The following ZNF595 variants were observed in gnomAD, a reference collection of about 807,000 sequenced individuals.
The protein encoded by ZNF595 is zinc finger protein 595.
ZNF595 carries 9 observed loss-of-function variants against 19.4 expected under a neutral mutation model. That is an observed-to-expected ratio of 0.46 (90% confidence interval 0.28 to 0.81). The LOEUF (loss-of-function observed/expected upper bound fraction) is 0.81, where lower values mean the gene tolerates loss of function less well. Among genes scored for constraint, ZNF595 ranks in the 30% least tolerant of loss-of-function variants. ZNF595 has a pLI of 0.11. For synonymous variants in ZNF595, 255 were observed against 255.9 expected (o/e 1.00, Z 0.03); for missense variants, 729 against 736.0 (o/e 0.99, Z 0.11).
rs1356500205 is a variant in ZNF595, at chr4:86,924, C to A, written c.1420C>A (p.His474Asn). Residue 474 changes from histidine (H) to asparagine (N), a missense_variant, in exon 4 of 4, where the codon CAT becomes AAT. His to Asn is a moderately conservative substitution (Grantham distance 68). Around this residue, in one of 2 missense-constraint regions of ZNF595, gnomAD observed 729 missense variants for 675.3 expected, o/e 1.08. Transcript: ENST00000610261. Reference protein sequence around the residue: ...STTLNEHKKIHTGEKPYKCEE... With the variant: ...STTLNEHKKINTGEKPYKCEE... The stretch of plus-strand genomic sequence containing the variant: ...AACACTGAACGAACATAAGAAAATT[C>A]ATACTGGCGAGAAACCCTACAAATG... 1.2e-6 allele frequency: 2 copies of A among 1,610,700 alleles called. No homozygotes were observed. The highest frequency in any genetic ancestry group is 2.2e-5 in the East Asian group (1 of 44,760).
intron 3 of ZNF595, among the ~76,000 whole-genome samples, chr4:82,897 T>G (rs1398356165): frequency 1.3e-5 from 2 of 152,220 alleles, no homozygotes; most frequent in Non-Finnish European, 1.5e-5. Flanking sequence ...TGTTTTATAC[T>G]GCTTTGAAGT....
intron 3 of ZNF595, among the ~76,000 whole-genome samples, chr4:70,300 A>G (rs1713374767): frequency 1.3e-5 from 2 of 151,682 alleles, no homozygotes; most frequent in African/African-American, 2.4e-5. Flanking sequence ...TCTTCTGAAT[A>G]TGAATATTGA....
intron 1 of ZNF595, among the ~76,000 whole-genome samples, chr4:54,930 G>A (rs1581309522): frequency 6.6e-6 from 1 of 152,410 alleles, no homozygotes; most frequent in East Asian, 1.9e-4. Context: ...TGCCCAGGCT[G>A]GAGTGCAGTG....
At chr4:70,360 CAG>C (rs1581372879) in intron 3 of ZNF595, among the ~76,000 whole-genome samples, 2 of 149,190 alleles carry the variant, frequency 1.3e-5, no homozygotes, top group East Asian at 4.0e-4. Context: ...TTTTTGAAGA[CAG>C]AGACTTGCTC....
chr4:83,153 C>T (rs1157820700), intron 3 of ZNF595, among the ~76,000 whole-genome samples: 1 of 152,088 alleles, frequency 6.6e-6, no homozygotes, highest in African/African-American at 2.4e-5. Flanking sequence ...TTCTTTGTCT[C>T]TTATGAGCTT....
chr4:70,713 C>G (rs1200160747), intron 3 of ZNF595, among the ~76,000 whole-genome samples: 1 of 152,210 alleles, frequency 6.6e-6, no homozygotes, highest in Non-Finnish European at 1.5e-5. Flanking sequence ...GTTCTCTCTA[C>G]TGTTTTACTG....
chr4:74,776 A>G (rs1713576849), intron 3 of ZNF595, among the ~76,000 whole-genome samples: 1 of 152,144 alleles, frequency 6.6e-6, no homozygotes, highest in Non-Finnish European at 1.5e-5. Context: ...AGCCTCTCCA[A>G]AGGAGGCAAT....
intron 3 of ZNF595, among the ~76,000 whole-genome samples, chr4:73,063 G>A (rs535557167): frequency 6.6e-6 from 1 of 152,104 alleles, no homozygotes; most frequent in Non-Finnish European, 1.5e-5. Context: ...CCTCTGAGAG[G>A]GTGTAATTGT....
At position 86,676 on chromosome 4, in the gene ZNF595, C is replaced by T; in HGVS notation, c.1172C>T (p.Thr391Ile). The T allele has an allele frequency of 6.2e-6, 10 of 1,613,682 alleles. No homozygotes were observed. The highest frequency in any genetic ancestry group is 7.6e-6 in the Non-Finnish European group (9 of 1,179,852). Residue 391 changes from threonine to isoleucine, a missense_variant, in exon 4 of 4, where the codon ACT becomes ATT. Physicochemically the swap from Thr to Ile is moderately conservative, Grantham distance 89 (BLOSUM62 -1). This residue lies in a region of ZNF595 where 729 missense variants were observed against 675.3 expected (regional missense o/e 1.08). Transcript: ENST00000610261. ...SSLNKHKRIH[T>I]GEKPYTCEEC... Reference sequence around the variant, plus strand: ...CTTAATAAACATAAGAGAATTCATACTGGAGAGAAACCCTACACATGTGAA... The same window carrying T: ...CTTAATAAACATAAGAGAATTCATATTGGAGAGAAACCCTACACATGTGAA...
chr4:80,416 TATC>T (rs1713856572), intron 3 of ZNF595, among the ~76,000 whole-genome samples: 1 of 152,376 alleles, frequency 6.6e-6, no homozygotes, highest in African/African-American at 2.4e-5. Flanking sequence ...CAATGGCTGA[TATC>T]ATACTGGACA....
Position 87,644 on chromosome 4 carries a change from A to G in ZNF595, c.*193A>G. 4.5e-6 allele frequency: 2 copies of G among 447,956 alleles called. No individual in the cohort carries two copies. The highest frequency in any genetic ancestry group is 6.9e-5 in the East Asian group (2 of 29,026). 27.7% of individuals were successfully genotyped at this position (447,956 alleles called of 1,614,324 possible). A position where few individuals can be genotyped will look rare whatever the true frequency, so the allele number is the denominator to read the frequency against. ...CAGGCATATGACATGTAATTATCACATCAGAGTAAATGAGTTATTCTTCAC... is the reference window on the plus strand; with the variant it reads ...CAGGCATATGACATGTAATTATCACGTCAGAGTAAATGAGTTATTCTTCAC... On this transcript the variant is annotated 3_prime_UTR_variant, in exon 4 of 4. Transcript: ENST00000610261.
intron 3 of ZNF595, 68 bp from the exon 4 acceptor site, chr4:85,663 T>C (rs1286336984): frequency 4.1e-6 from 6 of 1,471,906 alleles, no homozygotes; most frequent in African/African-American, 1.4e-5. Context: ...ATTTTCGATA[T>C]TACATTCGTA....
chr4:66,991 A>G (rs1290486279), intron 3 of ZNF595, among the ~76,000 whole-genome samples: 371 of 137,306 alleles, frequency 2.7e-3, no homozygotes, highest in African/African-American at 0.011. Context: ...TATTTTCATT[A>G]GGCTTACGTT....
intron 1 of ZNF595, among the ~76,000 whole-genome samples, chr4:55,335 C>T (rs1581310397): frequency 2.0e-5 from 3 of 151,968 alleles, no homozygotes; most frequent in Admixed American, 6.6e-5. Flanking sequence ...GGCCTTTTGG[C>T]CTGGCTGTTG....
At chr4:82,234 A>C (rs1553800065) in intron 3 of ZNF595, among the ~76,000 whole-genome samples, 2 of 152,132 alleles carry the variant, frequency 1.3e-5, no homozygotes, top group Admixed American at 6.5e-5. Flanking sequence ...AAATTTAATT[A>C]AAAATGTGAC....
intron 3 of ZNF595, among the ~76,000 whole-genome samples, chr4:66,367 T>G (rs1713108564): frequency 6.6e-6 from 1 of 151,412 alleles, no homozygotes. Flanking sequence ...GATGTTATCT[T>G]CTGTCAAATA....
At position 85,823 on chromosome 4, in the gene ZNF595, G is replaced by A. The variant is rs1553801007; in HGVS notation, c.319G>A (p.Gly107Arg). The A allele has an allele frequency of 1.2e-6, 2 of 1,613,926 alleles. No individual in the cohort carries two copies. Among genetic ancestry groups the A allele is most frequent in the South Asian group, 2.2e-5 (2 of 91,066 alleles). Residue 107 changes from glycine to arginine, a missense_variant, in exon 4 of 4, where the codon GGA becomes AGA. This residue lies in a region of ZNF595 where 729 missense variants were observed against 675.3 expected (regional missense o/e 1.08). Transcript: ENST00000610261. ...TATACTGAAAAGATACGAGAAATGTGGACATGAGAATTTACAATTAAGAAA... is the reference window on the plus strand; with the variant it reads ...TATACTGAAAAGATACGAGAAATGTAGACATGAGAATTTACAATTAAGAAA... ...KLILKRYEKC[G>R]HENLQLRKGC...
At chr4:82,115 T>C (rs1487951727) in intron 3 of ZNF595, among the ~76,000 whole-genome samples, 2 of 152,160 alleles carry the variant, frequency 1.3e-5, no homozygotes, top group African/African-American at 4.8e-5. Context: ...TGTTTTGATA[T>C]CATGAGCTGT....
rs1581395359 is a variant in ZNF595, at chr4:87,380, G to A, written c.1876G>A (p.Gly626Ser). 6.2e-7 allele frequency: 1 copy of A among 1,613,330 alleles called. No homozygotes were observed. The highest frequency in any genetic ancestry group is 8.5e-7 in the Non-Finnish European group (1 of 1,179,686). Residue 626 changes from glycine to serine, a missense_variant, in exon 4 of 4, where the codon GGC (glycine) becomes AGC (serine). This residue lies in a region of ZNF595 where 729 missense variants were observed against 675.3 expected (regional missense o/e 1.08). Coordinates refer to ENST00000610261, the MANE Select transcript of ZNF595 (RefSeq NM_182524.4). Reference protein sequence around the residue: ...GEKSYKCEECGKAFNRPSTLT... With the variant: ...GEKSYKCEECSKAFNRPSTLT... ...GAAATCCTACAAATGTGAAGAATGT[G>A]GCAAAGCTTTTAATCGGCCCTCAAC...
Sources: gnomAD v4.1 joint callset for allele counts (sites outside exome capture counted in the v4.1 genomes callset) on GRCh38, gnomAD v4.1.1 for gene constraint, gnomAD v4.1.1 regional missense constraint, MANE v1.5 for transcripts, NCBI Gene and HGNC (gene_info 2026-07-23, HGNC 2026-07-21) for gene names.